The following TPM4 variants were observed in gnomAD, a reference collection of about 807,000 sequenced individuals.
TPM4 encodes tropomyosin alpha-4 chain.
In TPM4, 17 loss-of-function variants were observed where a neutral mutation model predicts 35.8. The observed-to-expected ratio is 0.47, with a 90% confidence interval of 0.32 to 0.71. The LOEUF (loss-of-function observed/expected upper bound fraction) is 0.71, where lower values mean the gene tolerates loss of function less well. Ranked by LOEUF, TPM4 falls within the 30% of genes least tolerant of loss-of-function variation. TPM4 has a pLI of 0.03. For synonymous variants in TPM4, 120 were observed against 122.9 expected, an observed-to-expected ratio of 0.98 and a Z score of 0.15; for missense variants, 240 against 320.9, an observed-to-expected ratio of 0.75 and a Z score of 1.93.
intron 3 of TPM4, among the ~76,000 whole-genome samples, chr19:16,086,782 G>A (rs902891006): frequency 9.2e-5 from 14 of 152,170 alleles, no homozygotes; most frequent in African/African-American, 2.2e-4. Context: ...CACTTGTGTC[G>A]TTAGCTGGGA....
At chr19:16,069,700 G>C (rs926688011) in intron 2 of TPM4, among the ~76,000 whole-genome samples, 1 of 150,850 alleles carries the variant, frequency 6.6e-6, no homozygotes, top group African/African-American at 2.4e-5. Context: ...GTGTGGATAA[G>C]TGTGTGTTTT....
chr19:16,084,194 T>A (rs1033659153), intron 2 of TPM4, among the ~76,000 whole-genome samples: 1 of 152,234 alleles, frequency 6.6e-6, no homozygotes, highest in Non-Finnish European at 1.5e-5. Context: ...CCCAAAGTGC[T>A]GGCACGCCTA....
intron 1 of TPM4, chr19:16,077,287 T>TA (rs1555707245): frequency 7.0e-6 from 1 of 143,492 alleles, no homozygotes; most frequent in Non-Finnish European, 1.5e-5. Context: ...GCGGGGGGGA[T>TA]GGGGGGTGGA....
chr19:16,101,130 C>A, intron 7 of TPM4, 134 bp from the exon 8 acceptor site: 1 of 638,140 alleles, frequency 1.6e-6, no homozygotes. Context: ...AAGATCGCGC[C>A]ACTGCACTCC....
At position 16,088,051 on chromosome 19, in the gene TPM4, G is replaced by T; in HGVS notation, c.409G>T (p.Glu137Ter). ...EEVARKLVIL[E>*]GELERAEERA... ...GGTAGCTCGTAAGCTGGTCATCCTG[G>T]AGGGTGAGCTGGAGAGGGCAGAGGA... The change falls in exon 4 of 8, where the codon GAG becomes TAG. Residue 137 changes from glutamate to a stop codon, truncating the protein, a stop_gained. Coordinates refer to ENST00000643579, the MANE Select transcript of TPM4 (RefSeq NM_003290.3). LOFTEE classifies it high-confidence loss of function. The T allele has an allele frequency of 6.2e-7, 1 of 1,612,634 alleles. No individual in the cohort carries two copies. The highest frequency in any genetic ancestry group is 8.5e-7 in the Non-Finnish European group (1 of 1,179,638).
chr19:16,076,013 CAGGCTGA>C, upstream of TPM4: 1 of 1,590,208 alleles, frequency 6.3e-7, no homozygotes, highest in African/African-American at 1.3e-5. Context: ...ACCCCCCCCC[CAGGCTGA>C]CCCGTTCCTC....
intron 7 of TPM4, among the ~76,000 whole-genome samples, chr19:16,099,210 G>A (rs2090737147): frequency 6.6e-6 from 1 of 152,022 alleles, no homozygotes; most frequent in African/African-American, 2.4e-5. Context: ...CTCCTGTGTA[G>A]CTGGGATTAC....
chr19:16,076,803 C>A, intron 1 of TPM4, 106 bp downstream of exon 1: 1 of 1,266,056 alleles, frequency 7.9e-7, no homozygotes, highest in Non-Finnish European at 1.0e-6. Context: ...CCTCGGGCCG[C>A]CTTTTTACGC....
At chr19:16,095,169 T>C (rs2090679035) in intron 7 of TPM4, 2 of 819,092 alleles carry the variant, frequency 2.4e-6, no homozygotes, top group South Asian at 5.7e-5. Flanking sequence ...TGTTTTTTTC[T>C]TCCTCTTGTG....
chr19:16,089,021 C>T, intron 4 of TPM4, 24 bp from the exon 5 acceptor site: 2 of 1,613,778 alleles, frequency 1.2e-6, no homozygotes, highest in Non-Finnish European at 1.7e-6. Flanking sequence ...AGATAAGACA[C>T]AAAAATCCTT....
chr19:16,099,077 TGTG>T (rs2090735155), intron 7 of TPM4, among the ~76,000 whole-genome samples: 1 of 126,042 alleles, frequency 7.9e-6, no homozygotes, highest in Admixed American at 8.2e-5. Flanking sequence ...ACTCTGTGTG[TGTG>T]TGTGTGTGTG....
chr19:16,078,682 C>G (rs1044859776), intron 1 of TPM4, among the ~76,000 whole-genome samples: 2 of 152,086 alleles, frequency 1.3e-5, no homozygotes, highest in Non-Finnish European at 2.9e-5. Context: ...GGAGCAAGAC[C>G]GTCTAGTTGG....
upstream of TPM4, among the ~76,000 whole-genome samples, chr19:16,072,811 G>A (rs973359513): frequency 6.6e-6 from 1 of 152,110 alleles, no homozygotes; most frequent in Non-Finnish European, 1.5e-5. Flanking sequence ...GGAGGTTGAG[G>A]CAGGAGAAGC....
At chr19:16,099,253 G>A (rs2090737682) in intron 7 of TPM4, among the ~76,000 whole-genome samples, 1 of 151,946 alleles carries the variant, frequency 6.6e-6, no homozygotes, top group Non-Finnish European at 1.5e-5. Context: ...CTAATTTTTT[G>A]TATTTTTAAG....
rs1316571016 is a variant in TPM4, at chr19:16,070,889, C to T, written c.114+3151C>T. Among the ~76,000 whole-genome samples the T allele has an allele frequency of 6.6e-6, 1 of 152,212 alleles. No homozygotes were observed. Among genetic ancestry groups the T allele is most frequent in the Non-Finnish European group, 1.5e-5 (1 of 68,038 alleles). On this transcript the variant is annotated intron_variant, in intron 2 of 2. Coordinates refer to the TPM4 transcript ENST00000589897. This position sits in a 1 kb window ranked among gnomAD's most constrained non-coding sequence, Gnocchi z 7.4. ...GGCAAACACAGACATTCATCCTGTG[C>T]TGGGCCAGCTTCTAGCCATCATTTA...
At chr19:16,096,706 A>G (rs2090701854) in intron 7 of TPM4, among the ~76,000 whole-genome samples, 2 of 152,248 alleles carry the variant, frequency 1.3e-5, no homozygotes, top group Middle Eastern at 3.4e-3. Context: ...CAAGGAGTGA[A>G]CGGGCCTCCA....
chr19:16,099,354 T>C (rs556447576), intron 7 of TPM4, among the ~76,000 whole-genome samples: 2 of 144,296 alleles, frequency 1.4e-5, no homozygotes, highest in Non-Finnish European at 3.1e-5. Context: ...TCCCAGCACT[T>C]TGGGAGGCCG....
At chr19:16,073,938 TAAA>T (rs71178637), upstream of TPM4, among the ~76,000 whole-genome samples, 7 of 35,666 alleles carry the variant, frequency 2.0e-4, no homozygotes, top group African/African-American at 6.8e-4. Flanking sequence ...GAAGACCATG[TAAA>T]AAAAAAAAAA....
chr19:16,102,771 G>A lies in TPM4; in HGVS notation c.*1425G>A, dbSNP rs2090775351. The A allele has an allele frequency of 4.3e-6, 1 of 230,604 alleles. No homozygotes were observed. Among genetic ancestry groups the A allele is most frequent in the African/African-American group, 2.2e-5 (1 of 45,182 alleles). 14.3% of individuals were successfully genotyped at this position (230,604 alleles called of 1,614,324 possible). On this transcript the variant is annotated 3_prime_UTR_variant, in exon 8 of 8. Coordinates refer to ENST00000643579, the MANE Select transcript of TPM4 (RefSeq NM_003290.3). Reference sequence around the variant, plus strand: ...CATTCCCCAGCAGCGTGTGGGGGCTGACTAAAGTTTACAATTCCAACTAAA... The same window carrying A: ...CATTCCCCAGCAGCGTGTGGGGGCTAACTAAAGTTTACAATTCCAACTAAA...
Sources: gnomAD v4.1 joint callset for allele counts (sites outside exome capture counted in the v4.1 genomes callset) on GRCh38, gnomAD v4.1.1 for gene constraint, Gnocchi (gnomAD v3.1) non-coding constraint, MANE v1.5 for transcripts, NCBI Gene and HGNC (gene_info 2026-07-23, HGNC 2026-07-21) for gene names.